Variants in LRRC7 observed in about 807,000 individuals in gnomAD.
LRRC7 encodes leucine rich repeat containing 7.
In LRRC7, 23 loss-of-function variants were observed where a neutral mutation model predicts 175.7. The observed-to-expected ratio is 0.13, with a 90% confidence interval of 0.09 to 0.19. LRRC7 has a LOEUF of 0.19. Among genes scored for constraint, LRRC7 ranks in the 10% least tolerant of loss-of-function variants. The pLI is 1.00. For synonymous variants in LRRC7, 685 were observed against 680.9 expected (o/e 1.01, Z -0.09); for missense variants, 1,354 against 1,904.7 (o/e 0.71, Z 5.38).
At chr1:69,781,916 G>GAAAGAAAGAAAGAAAGAA (rs1553155301) in intron 3 of LRRC7, among the ~76,000 whole-genome samples, 17 of 82,212 alleles carry the variant, frequency 2.1e-4, no homozygotes, top group East Asian at 1.0e-3. Flanking sequence ...AGAAAAAGAA[G>GAAAGAAAGAAAGAAAGAA]AAAGAAAGAA....
At chr1:69,706,505 G>A (rs913274411) in intron 2 of LRRC7, among the ~76,000 whole-genome samples, 12 of 152,078 alleles carry the variant, frequency 7.9e-5, no homozygotes, top group African/African-American at 2.9e-4. Context: ...ACTAATTGTT[G>A]ACAATCAACA....
chr1:69,699,517 G>A (rs950488116), intron 2 of LRRC7, among the ~76,000 whole-genome samples: 12 of 151,428 alleles, frequency 7.9e-5, no homozygotes, highest in African/African-American at 2.7e-4. Context: ...TCCACCTGGC[G>A]ACAGAGCAAG....
chr1:69,918,851 G>A (rs900977195), intron 7 of LRRC7, among the ~76,000 whole-genome samples: 3 of 152,064 alleles, frequency 2.0e-5, no homozygotes, highest in African/African-American at 7.2e-5. Flanking sequence ...TTCAGGAAAT[G>A]GGTCATAAAA....
chr1:70,106,234 T>C (rs996098966), intron 25 of LRRC7, among the ~76,000 whole-genome samples: 1 of 152,184 alleles, frequency 6.6e-6, no homozygotes, highest in Admixed American at 6.6e-5. Flanking sequence ...TGTGCAACCA[T>C]CATGATTATC....
chr1:69,763,549 T>C (rs11209538), intron 3 of LRRC7, among the ~76,000 whole-genome samples: 5,649 of 152,044 alleles, frequency 0.037, 339 homozygotes, highest in African/African-American at 0.13. Context: ...TAATAACGGG[T>C]CACCTCTGTA....
At chr1:69,618,787 C>G (rs981411240) in intron 1 of LRRC7, among the ~76,000 whole-genome samples, 1 of 152,152 alleles carries the variant, frequency 6.6e-6, no homozygotes, top group Non-Finnish European at 1.5e-5. Flanking sequence ...GCTATAGGAT[C>G]CTGTAAACTG....
intron 2 of LRRC7, among the ~76,000 whole-genome samples, chr1:69,693,697 G>T (rs918952527): frequency 3.9e-5 from 6 of 152,062 alleles, no homozygotes; most frequent in Non-Finnish European, 7.4e-5. Context: ...AACTATATGG[G>T]CACCATAGCC....
chr1:69,853,856 A>C (rs1464414514), intron 7 of LRRC7, among the ~76,000 whole-genome samples: 1 of 152,198 alleles, frequency 6.6e-6, no homozygotes, highest in Non-Finnish European at 1.5e-5. Flanking sequence ...GTTTATATTA[A>C]GTATAATGAT....
chr1:69,790,772 TTC>T (rs1675012545), intron 3 of LRRC7, among the ~76,000 whole-genome samples: 1 of 151,942 alleles, frequency 6.6e-6, no homozygotes. Flanking sequence ...TGCATCTGAG[TTC>T]TCTTTTTGAG....
At chr1:70,076,349 A>G (rs1662776145) in intron 24 of LRRC7, 51 bp downstream of exon 24, 9 of 1,556,030 alleles carry the variant, frequency 5.8e-6, no homozygotes, top group Non-Finnish European at 8.0e-6. Flanking sequence ...GAAAAGTCCA[A>G]AGAATCCATG....
chr1:69,857,698 T>C (rs540118706), intron 7 of LRRC7, among the ~76,000 whole-genome samples: 4 of 152,258 alleles, frequency 2.6e-5, no homozygotes, highest in Non-Finnish European at 4.4e-5. Flanking sequence ...AGGTAATTTA[T>C]AGATTCAATG....
At chr1:69,705,838 T>C (rs190718211) in intron 2 of LRRC7, among the ~76,000 whole-genome samples, 9 of 152,284 alleles carry the variant, frequency 5.9e-5, no homozygotes, top group African/African-American at 2.2e-4. Context: ...CTAATTTGTA[T>C]GGTTAATTTT....
At chr1:69,684,748 GA>G (rs1403753345) in intron 2 of LRRC7, among the ~76,000 whole-genome samples, 2 of 151,298 alleles carry the variant, frequency 1.3e-5, no homozygotes, top group East Asian at 1.9e-4. Flanking sequence ...AGAAAAGAAG[GA>G]AAAAAAAAGC....
chr1:69,663,150 C>CT (rs965229687), intron 1 of LRRC7, among the ~76,000 whole-genome samples: 4 of 151,600 alleles, frequency 2.6e-5, no homozygotes, highest in South Asian at 2.1e-4. Context: ...TTTTTAATTC[C>CT]TTTTTTTATT....
intron 7 of LRRC7, among the ~76,000 whole-genome samples, chr1:69,854,955 A>G (rs767127994): frequency 5.9e-5 from 9 of 152,010 alleles, no homozygotes; most frequent in African/African-American, 2.2e-4. Context: ...ATCTTTTTCA[A>G]CTCTTAATAC....
intron 4 of LRRC7, among the ~76,000 whole-genome samples, chr1:69,797,437 C>T (rs1421335809): frequency 6.6e-6 from 1 of 152,154 alleles, no homozygotes; most frequent in East Asian, 1.9e-4. Flanking sequence ...ATTCATCATT[C>T]TCTCCAACCT....
intron 1 of LRRC7, among the ~76,000 whole-genome samples, chr1:69,624,539 C>T (rs943426736): frequency 3.3e-4 from 50 of 151,686 alleles, no homozygotes; most frequent in Non-Finnish European, 4.1e-4. Flanking sequence ...AATCTTTTTT[C>T]AGTGGGGTAG....
At chr1:70,082,197 T>C (rs920448998) in intron 24 of LRRC7, among the ~76,000 whole-genome samples, 2 of 152,172 alleles carry the variant, frequency 1.3e-5, no homozygotes, top group Non-Finnish European at 2.9e-5. Context: ...CTGAGTGGTG[T>C]AAGAAGAAAC....
At chr1:69,698,827 G>A (rs1040737) in intron 2 of LRRC7, among the ~76,000 whole-genome samples, 66,858 of 152,014 alleles carry the variant, frequency 0.44, 14,957 homozygotes, top group Admixed American at 0.5. Context: ...CAATGTTGTT[G>A]TTAGACTATC....
Sources: allele counts gnomAD v4.1 joint callset (sites outside exome capture counted in the v4.1 genomes callset), GRCh38; gene constraint gnomAD v4.1.1; transcripts MANE v1.5; gene names NCBI Gene and HGNC (gene_info 2026-07-23, HGNC 2026-07-21).